Variants in TM4SF19 observed in about 807,000 individuals in gnomAD.
The protein encoded by TM4SF19 is transmembrane 4 L6 family member 19.
A neutral mutation model predicts 21.8 loss-of-function variants in TM4SF19; 17 were observed. The observed-to-expected ratio is 0.78, with a 90% CI of 0.53 to 1.17. The LOEUF is 1.17. TM4SF19 is among the 50% of genes most tolerant of loss of function. The pLI is 0.00. For synonymous variants in TM4SF19, 107 were observed against 106.7 expected, an observed-to-expected ratio of 1.00 and a Z score of -0.02; for missense variants, 216 against 252.1, an observed-to-expected ratio of 0.86 and a Z score of 0.97.
intron 1 of TM4SF19, among the ~76,000 whole-genome samples, chr3:196,336,023 A>C (rs1334226635): frequency 1.3e-5 from 2 of 152,040 alleles, no homozygotes; most frequent in Admixed American, 6.6e-5. Flanking sequence ...AAATCACGGC[A>C]CCTCTGAGAA....
At position 196,327,445 on chromosome 3, in the gene TM4SF19, C is replaced by A; in HGVS notation, c.146G>T (p.Gly49Val). 1.2e-6 allele frequency: 2 copies of A among 1,614,208 alleles called. No individual in the cohort carries two copies. The highest frequency in any genetic ancestry group is 1.7e-6 in the Non-Finnish European group (2 of 1,180,042). Reference sequence around the variant, plus strand: ...CAGCATGGCATGCCTGCCAAGGAGGCCCCTCAACAGGTAGGTGACATCCCA... The same window carrying A: ...CAGCATGGCATGCCTGCCAAGGAGGACCCTCAACAGGTAGGTGACATCCCA... The part of the protein sequence containing the change: ...PNWDVTYLLR[G>V]LLGRHAMLGT... Residue 49 changes from glycine to valine, a missense_variant, in exon 2 of 5, where the codon GGC becomes GTC. Transcript: ENST00000273695.
intron 1 of TM4SF19, among the ~76,000 whole-genome samples, chr3:196,328,294 C>A: frequency 7.0e-6 from 1 of 143,768 alleles, no homozygotes; most frequent in African/African-American, 2.6e-5. Flanking sequence ...AGCAAGACTC[C>A]ATCTTAAAAA....
intron 1 of TM4SF19, among the ~76,000 whole-genome samples, chr3:196,329,543 C>G (rs1286363508): frequency 8.1e-6 from 1 of 123,342 alleles, no homozygotes; most frequent in Non-Finnish European, 1.8e-5. Flanking sequence ...GGGTGCTTGC[C>G]TATAATCCCA....
chr3:196,323,783 A>G lies in TM4SF19; in HGVS notation c.*34T>C. On this transcript the variant is annotated 3_prime_UTR_variant, in exon 5 of 5. Transcript: ENST00000273695. ...AAGGATTCAAGACAGCCGATGATGA[A>G]AACACCCATGCTTGCAAGTGAAGGT... 1 of 1,614,144 alleles carries G rather than the reference A, an allele frequency of 6.2e-7. No individual in the cohort carries two copies. Among genetic ancestry groups the G allele is most frequent in the Non-Finnish European group, 8.5e-7 (1 of 1,180,028 alleles).
intron 1 of TM4SF19, among the ~76,000 whole-genome samples, chr3:196,329,983 T>C (rs1727443529): frequency 1.4e-5 from 2 of 145,254 alleles, no homozygotes; most frequent in Admixed American, 7.2e-5. Flanking sequence ...GCAATTCTCC[T>C]GCCTCAGCCT....
intron 1 of TM4SF19, among the ~76,000 whole-genome samples, chr3:196,328,660 T>C (rs1440487268): frequency 6.6e-6 from 1 of 152,182 alleles, no homozygotes; most frequent in Non-Finnish European, 1.5e-5. Context: ...TAACATGTTC[T>C]CCCTAAATTG....
chr3:196,333,161 G>A (rs374693155), intron 1 of TM4SF19, among the ~76,000 whole-genome samples: 1 of 152,110 alleles, frequency 6.6e-6, no homozygotes. Context: ...ATTTACTTTT[G>A]ACTTTGTGAT....
In TM4SF19 at chr3:196,324,280, A is replaced by G. The variant is rs762850020; in HGVS notation, c.440T>C (p.Leu147Pro). The G allele has an allele frequency of 6.2e-7, 1 of 1,614,120 alleles. No individual in the cohort carries two copies. The highest frequency in any genetic ancestry group is 1.1e-5 in the South Asian group (1 of 91,080). The change falls in exon 4 of 5, where the codon CTG becomes CCG. Residue 147 changes from leucine to proline, a missense_variant. Leu to Pro is a moderately conservative substitution (Grantham distance 98, BLOSUM62 -3). Transcript: ENST00000273695. The stretch of plus-strand genomic sequence containing the variant: ...GCCTCCACCCATTTACCTACTATGC[A>G]GGTCTTTGAATGGGTAACCATATTT... ...AWKYGYPFKD[L>P]HSRNYLYDRS...
intron 1 of TM4SF19, among the ~76,000 whole-genome samples, chr3:196,332,583 TG>T (rs942586311): frequency 6.6e-6 from 1 of 151,568 alleles, no homozygotes; most frequent in Non-Finnish European, 1.5e-5. Flanking sequence ...ATACATATAA[TG>T]TATAATGTGC....
chr3:196,336,545 A>G (rs1038848632), intron 1 of TM4SF19, among the ~76,000 whole-genome samples: 1 of 152,374 alleles, frequency 6.6e-6, no homozygotes, highest in African/African-American at 2.4e-5. Flanking sequence ...CTGTCCGCCA[A>G]TCAAACACTA....
rs778577882 is a variant in TM4SF19 at position 196,323,976 on chromosome 3, C to T, written c.471G>A (p.Ser157=). 25 of 1,613,832 alleles carry T rather than the reference C, an allele frequency of 1.5e-5. No individual in the cohort carries two copies. The highest frequency in any genetic ancestry group is 1.2e-4 in the African/African-American group (9 of 74,886). The change falls in exon 5 of 5, where the codon TCG becomes TCA. Residue 157 remains serine (S), a synonymous_variant. Coordinates refer to ENST00000273695, the MANE Select transcript of TM4SF19 (RefSeq NM_138461.4). ...GCTCCAGGCAGACGGAGTTCCAGAG[C>T]GAACGGTCATACAGATAATTCCTAT... ...LHSRNYLYDR[S]LWNSVCLEPS...
At position 196,327,531 on chromosome 3, in the gene TM4SF19, C is replaced by G; in HGVS notation, c.60G>C (p.Leu20=). ...CAAACAGGGCTGCAGTCCCAAGGCTCAGTCCCAGGATACGGGAGCAAGTCC... is the reference window on the plus strand; with the variant it reads ...CAAACAGGGCTGCAGTCCCAAGGCTGAGTCCCAGGATACGGGAGCAAGTCC... ...SSRTCSRILG[L]SLGTAALFAA... Residue 20 remains leucine, a synonymous_variant, in exon 2 of 5, where the codon CTG becomes CTC. Coordinates refer to ENST00000273695, the MANE Select transcript of TM4SF19 (RefSeq NM_138461.4). 6.2e-7 allele frequency: 1 copy of G among 1,614,082 alleles called. No homozygotes were observed. Among genetic ancestry groups the G allele is most frequent in the African/African-American group, 1.3e-5 (1 of 75,052 alleles).
rs1398205679 is a variant in TM4SF19, at chr3:196,323,708, G to A, written c.*109C>T. The stretch of plus-strand genomic sequence containing the variant: ...AATTTTGTTGTCATTATTACTCCAG[G>A]GATACCTAAAGGGGAAGTTTGTTTA... On this transcript the variant is annotated 3_prime_UTR_variant, in exon 5 of 5. Coordinates refer to ENST00000273695, the MANE Select transcript of TM4SF19 (RefSeq NM_138461.4). The A allele has an allele frequency of 1.9e-6, 3 of 1,579,608 alleles. 1 individual carries two copies. Among genetic ancestry groups the A allele is most frequent in the Non-Finnish European group, 2.6e-6 (3 of 1,161,772 alleles).
intron 1 of TM4SF19, among the ~76,000 whole-genome samples, chr3:196,331,284 AAT>A (rs1553845563): frequency 6.7e-6 from 1 of 149,070 alleles, no homozygotes; most frequent in Admixed American, 6.7e-5. Flanking sequence ...CTAAAAAAAA[AAT>A]ATATATATAT....
intron 1 of TM4SF19, among the ~76,000 whole-genome samples, chr3:196,334,620 A>T (rs1183715420): frequency 6.6e-6 from 1 of 151,872 alleles, no homozygotes; most frequent in East Asian, 1.9e-4. Flanking sequence ...TGCCCGGCTA[A>T]TTTTTGTATT....
intron 1 of TM4SF19, among the ~76,000 whole-genome samples, chr3:196,330,678 G>T (rs1727472582): frequency 6.6e-6 from 1 of 152,186 alleles, no homozygotes; most frequent in African/African-American, 2.4e-5. Context: ...GAGAGCAGAT[G>T]AGCGGTTGCC....
intron 2 of TM4SF19, 56 bp from the exon 3 acceptor site, chr3:196,327,088 AG>A: frequency 1.4e-6 from 2 of 1,439,686 alleles, no homozygotes; most frequent in Non-Finnish European, 1.9e-6. Context: ...GGCTGTTTCT[AG>A]GTGCTGCCCA....
At chr3:196,330,517 G>A (rs1727466610) in intron 1 of TM4SF19, among the ~76,000 whole-genome samples, 1 of 152,142 alleles carries the variant, frequency 6.6e-6, no homozygotes, top group Non-Finnish European at 1.5e-5. Flanking sequence ...ATACAAATGA[G>A]TTCTATTAGG....
chr3:196,324,109 A>G, intron 4 of TM4SF19, 112 bp from the exon 5 acceptor site: 1 of 1,458,180 alleles, frequency 6.9e-7, no homozygotes, highest in Non-Finnish European at 9.5e-7. Context: ...GACTGGGCTC[A>G]TGAGGGTGAC....
Sources: allele counts gnomAD v4.1 joint callset (sites outside exome capture counted in the v4.1 genomes callset), GRCh38; gene constraint gnomAD v4.1.1; transcripts MANE v1.5; gene names NCBI Gene and HGNC (gene_info 2026-07-23, HGNC 2026-07-21).